NSMCE2: variants seen among roughly 807,000 people sequenced by gnomAD.
NSMCE2 encodes the protein E3 SUMO-protein ligase NSE2.
In NSMCE2, 24 loss-of-function variants were observed where a neutral mutation model predicts 23.8. That is an observed-to-expected ratio of 1.01 (90% CI 0.73 to 1.42). NSMCE2 has a LOEUF of 1.42. Among genes scored for constraint, NSMCE2 ranks in the 40% most tolerant of loss-of-function variants. The pLI, the probability that NSMCE2 is intolerant of heterozygous loss-of-function variation, is 0.00. For missense variants in NSMCE2, 284 were observed against 296.5 expected (o/e 0.96, Z 0.31); for synonymous variants, 92 against 94.1 (o/e 0.98, Z 0.13).
At chr8:125,196,003 C>A (rs989777442) in intron 5 of NSMCE2, among the ~76,000 whole-genome samples, 37 of 149,960 alleles carry the variant, frequency 2.5e-4, no homozygotes, top group African/African-American at 8.8e-4. Flanking sequence ...TCTGCTGCCT[C>A]CCAAGTAGCT....
intron 5 of NSMCE2, among the ~76,000 whole-genome samples, chr8:125,256,922 CAAAAAAAAAAAAAAAAAAAAAAAA>C (rs60308659): frequency 6.9e-4 from 18 of 26,056 alleles, no homozygotes; most frequent in African/African-American, 1.8e-3. Context: ...GACTCTGTGT[CAAAAAAAAAAAAAAAAAAAAAAAA>C]AAAAAAAAAA....
chr8:125,116,192 A>C (rs1818998184), intron 3 of NSMCE2, among the ~76,000 whole-genome samples: 1 of 152,220 alleles, frequency 6.6e-6, no homozygotes, highest in Non-Finnish European at 1.5e-5. Context: ...TTGTAATATG[A>C]ATTCTATTTT....
intron 5 of NSMCE2, among the ~76,000 whole-genome samples, chr8:125,317,917 TAA>T (rs1829273542): frequency 6.6e-6 from 1 of 152,180 alleles, no homozygotes. Context: ...ATGCCCTCAG[TAA>T]AGTCAAAAGA....
intron 5 of NSMCE2, among the ~76,000 whole-genome samples, chr8:125,275,001 TAATA>T: frequency 2.4e-4 from 1 of 4,156 alleles, no homozygotes; most frequent in Non-Finnish European, 9.2e-4. Context: ...CTGAAGATGA[TAATA>T]ATAATAATAA....
intron 5 of NSMCE2, among the ~76,000 whole-genome samples, chr8:125,210,998 G>T (rs545489547): frequency 1.3e-5 from 2 of 152,200 alleles, no homozygotes; most frequent in African/African-American, 2.4e-5. Flanking sequence ...CTCCCAAAGT[G>T]CTAGGATTAC....
chr8:125,335,500 CCTCT>C (rs992821105), intron 5 of NSMCE2, among the ~76,000 whole-genome samples: 1 of 152,162 alleles, frequency 6.6e-6, no homozygotes, highest in Non-Finnish European at 1.5e-5. Context: ...CACCTTAAGC[CCTCT>C]CTAAGAATAT....
chr8:125,154,846 C>T (rs1451275222), intron 4 of NSMCE2, among the ~76,000 whole-genome samples: 2 of 152,146 alleles, frequency 1.3e-5, no homozygotes, highest in African/African-American at 4.8e-5. Context: ...GAATGATGTT[C>T]TGAACACTAG....
At chr8:125,214,969 A>G (rs1471812055) in intron 5 of NSMCE2, among the ~76,000 whole-genome samples, 1 of 152,106 alleles carries the variant, frequency 6.6e-6, no homozygotes, top group Admixed American at 6.6e-5. Context: ...TGTACCCATT[A>G]AACAGTAATT....
chr8:125,330,180 TC>T lies in NSMCE2; in HGVS notation c.419-27038del, dbSNP rs201345723. Among the ~76,000 whole-genome samples the T allele has an allele frequency of 1.1e-4, 12 of 111,164 alleles. 4 individuals carry two copies. Among genetic ancestry groups the T allele is most frequent in the African/African-American group, 1.4e-4 (3 of 20,710 alleles). 72.9% of individuals were successfully genotyped at this position (111,164 alleles called of 152,430 possible). A position where few individuals can be genotyped will look rare whatever the true frequency, so the allele number is the denominator to read the frequency against. On this transcript the variant is annotated intron_variant, in intron 5 of 7. Transcript: ENST00000287437. ...CAGAACTAACTTTTTCTTTTTTCTTTCTTTTTTTTTTTTTTTGAGACAGTCT... is the reference window on the plus strand; with the variant it reads ...CAGAACTAACTTTTTCTTTTTTCTTTTTTTTTTTTTTTTTTGAGACAGTCT...
At chr8:125,095,938 T>G (rs908022664) in intron 1 of NSMCE2, among the ~76,000 whole-genome samples, 2 of 151,896 alleles carry the variant, frequency 1.3e-5, no homozygotes, top group African/African-American at 4.8e-5. Flanking sequence ...TATCATTTGG[T>G]CCTTGCAGGT....
At chr8:125,267,242 A>G (rs1057259746) in intron 5 of NSMCE2, among the ~76,000 whole-genome samples, 1 of 152,098 alleles carries the variant, frequency 6.6e-6, no homozygotes, top group Non-Finnish European at 1.5e-5. Context: ...TCCTGACCTC[A>G]GTTGATCTGC....
At chr8:125,363,512 G>A (rs12545844) in intron 7 of NSMCE2, among the ~76,000 whole-genome samples, 12,241 of 140,426 alleles carry the variant, frequency 0.087, 646 homozygotes, top group South Asian at 0.19. Context: ...AAAAGAAAGA[G>A]GAAAGAGGAG....
At chr8:125,151,710 C>G (rs1821040933) in intron 4 of NSMCE2, among the ~76,000 whole-genome samples, 1 of 152,136 alleles carries the variant, frequency 6.6e-6, no homozygotes, top group African/African-American at 2.4e-5. Flanking sequence ...GAGTTTTAAG[C>G]AAGTTTAAAA....
chr8:125,104,528 G>A (rs772123562), intron 3 of NSMCE2, among the ~76,000 whole-genome samples: 3 of 152,126 alleles, frequency 2.0e-5, no homozygotes, highest in Non-Finnish European at 4.4e-5. Flanking sequence ...AGTGTCTCCC[G>A]GTCCTAGGTC....
At chr8:125,104,201 G>T (rs1271015794) in intron 3 of NSMCE2, among the ~76,000 whole-genome samples, 2 of 152,112 alleles carry the variant, frequency 1.3e-5, no homozygotes, top group Non-Finnish European at 2.9e-5. Flanking sequence ...TGTTGGTCAG[G>T]CTGGTCTCAA....
chr8:125,238,757 A>G (rs1213759782), intron 5 of NSMCE2, among the ~76,000 whole-genome samples: 1 of 152,222 alleles, frequency 6.6e-6, no homozygotes, highest in Non-Finnish European at 1.5e-5. Context: ...AGATAGGATA[A>G]TACAGAACCT....
chr8:125,335,955 T>A (rs1443950998), intron 5 of NSMCE2, among the ~76,000 whole-genome samples: 3 of 152,178 alleles, frequency 2.0e-5, no homozygotes, highest in Non-Finnish European at 4.4e-5. Context: ...ATATATGACA[T>A]TGTACTAAGA....
chr8:125,303,441 G>A (rs190742223), intron 5 of NSMCE2, among the ~76,000 whole-genome samples: 4 of 152,154 alleles, frequency 2.6e-5, no homozygotes, highest in African/African-American at 9.7e-5. Context: ...TTTGTGATGA[G>A]TATTGAAGGA....
intron 5 of NSMCE2, among the ~76,000 whole-genome samples, chr8:125,352,808 G>A (rs1488427013): frequency 1.3e-5 from 2 of 152,186 alleles, no homozygotes; most frequent in East Asian, 3.8e-4. Context: ...TGCCAGATGT[G>A]ACCTTTTGTT....
Sources: allele counts gnomAD v4.1 joint callset (sites outside exome capture counted in the v4.1 genomes callset), GRCh38; gene constraint gnomAD v4.1.1; transcripts MANE v1.5; gene names NCBI Gene and HGNC (gene_info 2026-07-23, HGNC 2026-07-21).